The following NR6A1 variants were observed in gnomAD, a reference collection of about 807,000 sequenced individuals.
NR6A1 encodes retinoic acid receptor-related testis-associated receptor.
A neutral mutation model predicts 59.1 loss-of-function variants in NR6A1; 7 were observed. That is an observed-to-expected ratio of 0.12 (90% confidence interval 0.07 to 0.22). The LOEUF is 0.22. Ranked by LOEUF, NR6A1 falls within the 10% of genes least tolerant of loss-of-function variation. NR6A1 has a pLI of 1.00. For missense variants in NR6A1, 468 were observed against 611.6 expected, an observed-to-expected ratio of 0.77 and a Z score of 2.48; for synonymous variants, 243 against 236.1, an observed-to-expected ratio of 1.03 and a Z score of -0.27.
At chr9:124,526,697 AG>A in intron 8 of NR6A1, 81 bp downstream of exon 8, 1 of 1,575,964 alleles carries the variant, frequency 6.3e-7, no homozygotes, top group Non-Finnish European at 8.7e-7. Context: ...CCTGAGGGTA[AG>A]GAGGGGTGAA....
At chr9:124,534,769 A>T (rs765728636) in intron 7 of NR6A1, among the ~76,000 whole-genome samples, 1 of 152,198 alleles carries the variant, frequency 6.6e-6, no homozygotes, top group Non-Finnish European at 1.5e-5. Flanking sequence ...CAGTTTTCTC[A>T]TCTATAAAAT....
intron 4 of NR6A1, among the ~76,000 whole-genome samples, chr9:124,542,961 T>C (rs1486455369): frequency 1.3e-5 from 2 of 152,192 alleles, no homozygotes; most frequent in African/African-American, 2.4e-5. Context: ...GCTCTTCTGC[T>C]GGCAAGTAAG....
At chr9:124,638,257 G>C (rs1409900841) in intron 2 of NR6A1, among the ~76,000 whole-genome samples, 1 of 149,072 alleles carries the variant, frequency 6.7e-6, no homozygotes, top group African/African-American at 2.5e-5. Context: ...CTGTCTCTTT[G>C]GTGTTTAAAA....
intron 3 of NR6A1, among the ~76,000 whole-genome samples, chr9:124,544,301 C>T (rs571771755): frequency 6.6e-6 from 1 of 152,200 alleles, no homozygotes; most frequent in East Asian, 1.9e-4. Flanking sequence ...TTTCATTAAT[C>T]AGAATTTTGA....
intron 7 of NR6A1, among the ~76,000 whole-genome samples, chr9:124,530,056 T>G (rs1833055711): frequency 1.3e-5 from 2 of 152,194 alleles, no homozygotes; most frequent in Non-Finnish European, 2.9e-5. Context: ...GTGTTCACTC[T>G]GGCACTCCAG....
At chr9:124,541,663 A>G (rs748829324) in intron 4 of NR6A1, among the ~76,000 whole-genome samples, 16 of 152,246 alleles carry the variant, frequency 1.1e-4, no homozygotes, top group Non-Finnish European at 2.4e-4. Context: ...CATATGATCC[A>G]GCAATCCCAT....
intron 2 of NR6A1, among the ~76,000 whole-genome samples, chr9:124,670,532 G>A (rs1837761998): frequency 1.3e-5 from 2 of 149,176 alleles, no homozygotes; most frequent in Non-Finnish European, 2.9e-5. Flanking sequence ...CTGACATTAT[G>A]TCTCCAGGTT....
At position 124,750,870 on chromosome 9, in the gene NR6A1, T is replaced by C. The variant is rs994703267; in HGVS notation, c.101-17521A>G. On this transcript the variant is annotated intron_variant, in intron 1 of 9. Coordinates refer to ENST00000487099, the MANE Select transcript of NR6A1 (RefSeq NM_033334.4). ...ACCATACTTGTCTCCACGGCTAAAA[T>C]TGAAGTCTGGCTTTAATTCTTGCAT... Among the ~76,000 whole-genome samples the C allele has an allele frequency of 1.7e-4, 26 of 152,326 alleles. No individual in the cohort carries two copies. The South Asian group carries it at 1.9e-3, about 11-fold the overall frequency.
chr9:124,679,264 C>T (rs1434379965), intron 2 of NR6A1, among the ~76,000 whole-genome samples: 2 of 152,148 alleles, frequency 1.3e-5, no homozygotes, highest in Admixed American at 1.3e-4. Flanking sequence ...TTGGAGACAT[C>T]GATAATCACC....
At chr9:124,579,999 A>G (rs115316226) in intron 2 of NR6A1, among the ~76,000 whole-genome samples, 2,503 of 152,310 alleles carry the variant, frequency 0.016, 76 homozygotes, top group East Asian at 0.15. Flanking sequence ...AACAAGAACT[A>G]AACTGTGTCT....
intron 2 of NR6A1, among the ~76,000 whole-genome samples, chr9:124,694,112 A>C (rs919627925): frequency 1.3e-5 from 2 of 152,224 alleles, no homozygotes; most frequent in African/African-American, 4.8e-5. Flanking sequence ...AAAAATATAC[A>C]AAGTAAAAAT....
At chr9:124,524,499 A>G (rs1832876122) in intron 9 of NR6A1, among the ~76,000 whole-genome samples, 1 of 152,212 alleles carries the variant, frequency 6.6e-6, no homozygotes, top group Admixed American at 6.5e-5. Context: ...AAGGCCACAA[A>G]GTACCCTGCA....
At chr9:124,641,482 G>A (rs768564809) in intron 2 of NR6A1, among the ~76,000 whole-genome samples, 27 of 151,934 alleles carry the variant, frequency 1.8e-4, no homozygotes, top group Admixed American at 1.4e-3. Flanking sequence ...CAGGAAGACT[G>A]CTTGAGCTCA....
chr9:124,710,782 G>A (rs528053420), intron 2 of NR6A1, among the ~76,000 whole-genome samples: 19 of 152,276 alleles, frequency 1.2e-4, no homozygotes, highest in Non-Finnish European at 2.2e-4. Context: ...AGATCCTTCC[G>A]CAATTGCACA....
intron 1 of NR6A1, among the ~76,000 whole-genome samples, chr9:124,765,649 G>C (rs1234171461): frequency 6.6e-6 from 1 of 152,178 alleles, no homozygotes; most frequent in Non-Finnish European, 1.5e-5. Context: ...CTCCCCAGCA[G>C]CCGGCTGAGG....
intron 1 of NR6A1, among the ~76,000 whole-genome samples, chr9:124,740,015 A>G (rs1840131044): frequency 6.6e-6 from 1 of 152,202 alleles, no homozygotes. Flanking sequence ...ATCTCTTTCT[A>G]CAAAACAGAA....
At chr9:124,626,802 C>T (rs1048762183) in intron 2 of NR6A1, among the ~76,000 whole-genome samples, 2 of 152,084 alleles carry the variant, frequency 1.3e-5, no homozygotes, top group Admixed American at 6.5e-5. Flanking sequence ...GGCGTAGGGG[C>T]ACACGCCTGT....
Position 124,727,380 on chromosome 9 carries a change from T to C in NR6A1, c.142+5928A>G, listed in dbSNP as rs1302535309. Among the ~76,000 whole-genome samples the C allele has an allele frequency of 2.0e-5, 3 of 152,242 alleles. No individual in the cohort carries two copies. The East Asian group carries it at 5.8e-4, about 29-fold the overall frequency. On this transcript the variant is annotated intron_variant, in intron 2 of 9. Coordinates refer to ENST00000487099, the MANE Select transcript of NR6A1 (RefSeq NM_033334.4). ...GATTTTTTTATAAAGTAGATAATACTTAAAATGGCATAATAATTCTGTACT... is the reference window on the plus strand; with the variant it reads ...GATTTTTTTATAAAGTAGATAATACCTAAAATGGCATAATAATTCTGTACT...
At chr9:124,641,837 T>C (rs1374141540) in intron 2 of NR6A1, among the ~76,000 whole-genome samples, 1 of 152,162 alleles carries the variant, frequency 6.6e-6, no homozygotes, top group Non-Finnish European at 1.5e-5. Flanking sequence ...TTATGCAGCA[T>C]AATTAGAGCC....
Sources: allele counts gnomAD v4.1 joint callset (sites outside exome capture counted in the v4.1 genomes callset), GRCh38; gene constraint gnomAD v4.1.1; transcripts MANE v1.5; gene names NCBI Gene and HGNC (gene_info 2026-07-23, HGNC 2026-07-21).